ANAPC5: variants seen among roughly 807,000 people sequenced by gnomAD.
ANAPC5 encodes the protein anaphase-promoting complex subunit 5.
Under a neutral mutation model 91.3 loss-of-function variants are expected in ANAPC5, and 60 were observed. That is an observed-to-expected ratio of 0.66 (90% CI 0.53 to 0.81). ANAPC5 has a LOEUF of 0.81. ANAPC5 is among the 40% of genes least tolerant of loss of function. The pLI, the probability that ANAPC5 is intolerant of heterozygous loss-of-function variation, is 0.00. For missense variants in ANAPC5, 690 were observed against 931.5 expected (o/e 0.74, Z 3.37); for synonymous variants, 340 against 364.1 (o/e 0.93, Z 0.75).
chr12:121,346,097 C>A, intron 3 of ANAPC5, 66 bp from the exon 4 acceptor site: 1 of 1,287,604 alleles, frequency 7.8e-7, no homozygotes, highest in South Asian at 1.4e-5. Flanking sequence ...AATGGCAACT[C>A]CACAATGGCA....
At chr12:121,328,088 C>T in intron 10 of ANAPC5, 1 of 466,056 alleles carries the variant, frequency 2.1e-6, no homozygotes, top group Admixed American at 3.5e-5. Context: ...ATCACCCACC[C>T]ATTACCTCAC....
chr12:121,337,392 C>A lies in ANAPC5; in HGVS notation c.658G>T (p.Ala220Ser), dbSNP rs782801355. The change falls in exon 6 of 17, where the codon GCT becomes TCT. Residue 220 changes from alanine (A) to serine (S), a missense_variant and splice_region_variant. This residue lies in a region of ANAPC5 where 238 missense variants were observed against 264.9 expected (regional missense o/e 0.90). Coordinates refer to ENST00000261819, the MANE Select transcript of ANAPC5 (RefSeq NM_016237.5). ...KQAEFFLSQQASLLKNDETKA... is the reference protein window; with the variant it reads ...KQAEFFLSQQSSLLKNDETKA... ...GTCTCATCATTCTTTAGCAAAGAAG[C>A]CTGAAATTTAAAAATGGTAACTCAG... 9.3e-6 allele frequency: 15 copies of A among 1,607,396 alleles called. No individual in the cohort carries two copies. The highest frequency in any genetic ancestry group is 1.2e-5 in the Non-Finnish European group (14 of 1,174,882).
intron 11 of ANAPC5, chr12:121,326,432 G>C (rs1902820927): frequency 6.6e-6 from 1 of 152,132 alleles, no homozygotes; most frequent in African/African-American, 2.4e-5. Flanking sequence ...TTGAATAAAG[G>C]GAAGATAAAG....
At chr12:121,327,647 T>C in intron 10 of ANAPC5, 1 of 172,826 alleles carries the variant, frequency 5.8e-6, no homozygotes, top group Non-Finnish European at 1.2e-5. Context: ...TTATCTGAAA[T>C]ACAAAAACAA....
Position 121,342,076 on chromosome 12 carries a change from A to G in ANAPC5, c.591-7T>C. The stretch of plus-strand genomic sequence containing the variant: ...GCAAGATACCTCCTCTTCTCTGGAA[A>G]AAATAAAAAAACAAAAATAGTAAAG... On this transcript the variant is annotated splice_region_variant and splice_polypyrimidine_tract_variant and intron_variant, in intron 4 of 16. Coordinates refer to ENST00000261819, the MANE Select transcript of ANAPC5 (RefSeq NM_016237.5). The surrounding 1 kb of genome is among the most constrained non-coding windows in gnomAD (Gnocchi z 4.1). 6.3e-7 allele frequency: 1 copy of G among 1,587,334 alleles called. No individual in the cohort carries two copies. Among genetic ancestry groups the G allele is most frequent in the Non-Finnish European group, 8.5e-7 (1 of 1,171,464 alleles).
At chr12:121,319,056 T>C (rs1902489576) in intron 13 of ANAPC5, among the ~76,000 whole-genome samples, 1 of 151,752 alleles carries the variant, frequency 6.6e-6, no homozygotes, top group Non-Finnish European at 1.5e-5. Flanking sequence ...AAAGAATAAA[T>C]TGTATGTGTG....
chr12:121,321,343 CTTTTTTT>C (rs71079053), intron 11 of ANAPC5, among the ~76,000 whole-genome samples: 65 of 100,664 alleles, frequency 6.5e-4, no homozygotes, highest in African/African-American at 1.2e-3. Flanking sequence ...AAACAAATTA[CTTTTTTT>C]TTTTTTTTTT....
chr12:121,328,187 T>C, intron 10 of ANAPC5, 129 bp downstream of exon 10: 3 of 825,874 alleles, frequency 3.6e-6, no homozygotes, highest in Admixed American at 2.8e-5. Flanking sequence ...GTCTAAAACA[T>C]AGTCCCCTGC....
rs782602157 is a variant in ANAPC5 at position 121,352,276 on chromosome 12, T to C, written c.65A>G (p.Asn22Ser). ...CACCCAGTCCTTGATGCCGAACACA[T>C]TGGCGTGCACAACCCCATTGGTCAT... is the stretch of plus-strand genomic sequence containing the variant. The part of the protein sequence containing the change: ...PMMTNGVVHA[N>S]VFGIKDWVTP... Residue 22 changes from asparagine to serine, a missense_variant, in exon 1 of 17, where the codon AAT (asparagine) becomes AGT (serine). Asn to Ser is a conservative substitution (Grantham distance 46). This residue lies in a region of ANAPC5 where 238 missense variants were observed against 264.9 expected (regional missense o/e 0.90). Coordinates refer to ENST00000261819, the MANE Select transcript of ANAPC5 (RefSeq NM_016237.5). 1.9e-5 allele frequency: 30 copies of C among 1,613,972 alleles called. No homozygotes were observed. The highest frequency in any genetic ancestry group is 4.4e-5 in the South Asian group (4 of 91,080).
At chr12:121,336,478 G>A (rs1903243260) in intron 6 of ANAPC5, among the ~76,000 whole-genome samples, 1 of 152,056 alleles carries the variant, frequency 6.6e-6, no homozygotes, top group Admixed American at 6.6e-5. Flanking sequence ...AGGAGTTCGA[G>A]ACCAGCCTGG....
At chr12:121,351,796 G>A (rs1314899220) in intron 1 of ANAPC5, among the ~76,000 whole-genome samples, 1 of 151,966 alleles carries the variant, frequency 6.6e-6, no homozygotes, top group Non-Finnish European at 1.5e-5. Context: ...CGGTCCTCTA[G>A]GATAGGGAGC....
Position 121,345,972 on chromosome 12 carries a change from T to TA in ANAPC5, c.456dup (p.Lys153Ter). 1.9e-6 allele frequency: 3 copies of TA among 1,612,630 alleles called. No homozygotes were observed. Among genetic ancestry groups the TA allele is most frequent in the Non-Finnish European group, 2.5e-6 (3 of 1,179,658 alleles). ...TACTGCTGAAGGGCAGTGTACAGTT[T>TA]AAACACTTGGCTGAAAGAAAGCTTA... On this transcript the variant is annotated frameshift_variant, in exon 4 of 17. Coordinates refer to ENST00000261819, the MANE Select transcript of ANAPC5 (RefSeq NM_016237.5). LOFTEE classifies it high-confidence loss of function.
At chr12:121,327,449 T>C (rs1471395792) in intron 10 of ANAPC5, 9 of 555,800 alleles carry the variant, frequency 1.6e-5, no homozygotes, top group Non-Finnish European at 2.8e-5. Context: ...CACGTAGTGG[T>C]TAGGGCACAG....
At chr12:121,328,577 T>A in intron 9 of ANAPC5, 80 bp from the exon 10 acceptor site, 1 of 1,345,582 alleles carries the variant, frequency 7.4e-7, no homozygotes. Flanking sequence ...ATGTGGTGGA[T>A]TTCACATTTC....
chr12:121,320,107 T>C (rs1342130151), intron 12 of ANAPC5, among the ~76,000 whole-genome samples: 2 of 152,228 alleles, frequency 1.3e-5, no homozygotes, highest in East Asian at 1.9e-4. Flanking sequence ...TCTACGTCTC[T>C]TTCTCTTTTT....
Position 121,311,714 on chromosome 12 carries a change from T to C in ANAPC5, c.1894-1851A>G, listed in dbSNP as rs905305566. Among the ~76,000 whole-genome samples the C allele has an allele frequency of 7.2e-5, 11 of 152,200 alleles. No homozygotes were observed. The South Asian group carries it at 2.3e-3, about 32-fold the overall frequency. ...TGGTTATGGTAAGGCACACCAGTAA[T>C]CCCAGATGCTCAGAAAAGTGAGGTG... On this transcript the variant is annotated intron_variant, in intron 15 of 16. Coordinates refer to ENST00000261819, the MANE Select transcript of ANAPC5 (RefSeq NM_016237.5).
At chr12:121,348,162 G>A (rs1555274889) in intron 1 of ANAPC5, among the ~76,000 whole-genome samples, 1 of 152,150 alleles carries the variant, frequency 6.6e-6, no homozygotes, top group African/African-American at 2.4e-5. Context: ...TTGCAAAATT[G>A]TGACCTCTGA....
rs782788637 is a variant in ANAPC5 at position 121,342,111 on chromosome 12, A to G, written c.591-42T>C. ...AACAAAAATAGTAAAGAATTACACA[A>G]AAGTAAAAATGATAACATTTATAAA... On this transcript the variant is annotated intron_variant, in intron 4 of 16. Coordinates refer to ENST00000261819, the MANE Select transcript of ANAPC5 (RefSeq NM_016237.5). The surrounding 1 kb of genome is among the most constrained non-coding windows in gnomAD (Gnocchi z 4.1). 1 of 1,397,816 alleles carries G rather than the reference A, an allele frequency of 7.2e-7. No homozygotes were observed. The highest frequency in any genetic ancestry group is 2.0e-5 in the Admixed American group (1 of 50,676). 86.6% of individuals were successfully genotyped at this position (1,397,816 alleles called of 1,614,324 possible). A position where few individuals can be genotyped will look rare whatever the true frequency, so the allele number is the denominator to read the frequency against.
chr12:121,328,053 C>G, intron 10 of ANAPC5: 4 of 373,418 alleles, frequency 1.1e-5, no homozygotes, highest in East Asian at 1.0e-4. Flanking sequence ...ATGTGTGAAC[C>G]CTGGTTTACT....
Sources: allele counts gnomAD v4.1 joint callset (sites outside exome capture counted in the v4.1 genomes callset), GRCh38; gene constraint gnomAD v4.1.1; regional missense constraint gnomAD v4.1.1; non-coding constraint Gnocchi (gnomAD v3.1); transcripts MANE v1.5; gene names NCBI Gene and HGNC (gene_info 2026-07-23, HGNC 2026-07-21).